PARD3B: variants seen among roughly 807,000 people sequenced by gnomAD.
PARD3B encodes partitioning defective 3 homolog B.
Under a neutral mutation model 130.2 loss-of-function variants are expected in PARD3B, and 103 were observed. The ratio of observed to expected loss-of-function variants is 0.79; its 90% confidence interval spans 0.67 to 0.93. The LOEUF is 0.93. Ranked by LOEUF, PARD3B falls within the 40% of genes least tolerant of loss-of-function variation. The pLI, the probability that PARD3B is intolerant of heterozygous loss-of-function variation, is 0.00. For synonymous variants in PARD3B, 583 were observed against 553.2 expected (o/e 1.05, Z -0.76); for missense variants, 1,609 against 1,499.2 (o/e 1.07, Z -1.21).
In PARD3B at chr2:205,238,740, G is replaced by A. The variant is rs1352635602; in HGVS notation, c.2141-7038G>A. ...CCAGATACTTGGGAGGCTGAGGCAGGAGAATCACTTAAACCCAGGAGGCAG... is the reference window on the plus strand; with the variant it reads ...CCAGATACTTGGGAGGCTGAGGCAGAAGAATCACTTAAACCCAGGAGGCAG... On this transcript the variant is annotated intron_variant, in intron 15 of 22. Coordinates refer to ENST00000406610, the MANE Select transcript of PARD3B (RefSeq NM_001302769.2). Among the ~76,000 whole-genome samples the A allele has an allele frequency of 6.1e-5, 9 of 146,972 alleles. 1 individual carries two copies. Among genetic ancestry groups the A allele is most frequent in the East Asian group, 6.1e-4 (3 of 4,916 alleles).
rs559842330 is a variant in PARD3B, at chr2:204,938,223, T to G, written c.223-26929T>G. 6.6e-5 allele frequency among the ~76,000 whole-genome samples: 10 copies of G among 152,340 alleles called. No individual in the cohort carries two copies. In the East Asian group the frequency reaches 1.9e-3, roughly 29 times the overall value. Reference sequence around the variant, plus strand: ...GTAATGTATCAAGTGGCTTTCCACTTCAACTAAACTAAAATCCACAGTCCT... The same window carrying G: ...GTAATGTATCAAGTGGCTTTCCACTGCAACTAAACTAAAATCCACAGTCCT... On this transcript the variant is annotated intron_variant, in intron 2 of 22. Transcript: ENST00000406610.
intron 19 of PARD3B, among the ~76,000 whole-genome samples, chr2:205,430,819 C>T (rs765573731): frequency 2.0e-5 from 3 of 152,110 alleles, no homozygotes; most frequent in African/African-American, 4.8e-5. Context: ...CCAAATGTAA[C>T]GTACAAGCAT....
Position 205,405,893 on chromosome 2 carries a change from TA to T in PARD3B, c.2741+4772del, listed in dbSNP as rs1195011685. On this transcript the variant is annotated intron_variant, in intron 19 of 22. Transcript: ENST00000406610. The surrounding 1 kb of genome is among the most constrained non-coding windows in gnomAD (Gnocchi z 4.1). ...TTTGCCTGATGGTTTTAGTTGAGCATAAGTTTAGCATGAGTCAACATGTGGA... is the reference window on the plus strand; with the variant it reads ...TTTGCCTGATGGTTTTAGTTGAGCATAGTTTAGCATGAGTCAACATGTGGA... Among the ~76,000 whole-genome samples the T allele has an allele frequency of 6.6e-6, 1 of 152,240 alleles. No homozygotes were observed. Among genetic ancestry groups the T allele is most frequent in the African/African-American group, 2.4e-5 (1 of 41,474 alleles).
rs766468852 is a variant in PARD3B at position 205,352,351 on chromosome 2, G to A, written c.2631-48662G>A. ...TCAGATTTTTGTGGTTTCTCATGTC[G>A]TGGATTACAGGGACTCTTGTAAATG... On this transcript the variant is annotated intron_variant, in intron 18 of 22. Transcript: ENST00000406610. The surrounding 1 kb of genome is among the most constrained non-coding windows in gnomAD (Gnocchi z 5.2). Among the ~76,000 whole-genome samples the A allele has an allele frequency of 1.8e-4, 27 of 152,116 alleles. No homozygotes were observed. The highest frequency in any genetic ancestry group is 3.9e-4 in the East Asian group (2 of 5,194).
At chr2:205,191,049 T>C (rs1213373840) in intron 14 of PARD3B, among the ~76,000 whole-genome samples, 1 of 140,506 alleles carries the variant, frequency 7.1e-6, no homozygotes, top group Non-Finnish European at 1.5e-5. Flanking sequence ...GTATTGAGAA[T>C]GTACCCAGAC....
chr2:204,940,268 G>A (rs985130098), intron 2 of PARD3B, among the ~76,000 whole-genome samples: 1 of 152,162 alleles, frequency 6.6e-6, no homozygotes, highest in African/African-American at 2.4e-5. Flanking sequence ...GTTATTTCAT[G>A]TTCATCTAAA....
At chr2:205,549,261 C>T (rs556691506) in intron 21 of PARD3B, among the ~76,000 whole-genome samples, 1 of 152,262 alleles carries the variant, frequency 6.6e-6, no homozygotes, top group African/African-American at 2.4e-5. Context: ...ATAGTCTCAC[C>T]ATATGATCCA....
intron 1 of PARD3B, among the ~76,000 whole-genome samples, chr2:204,662,454 T>C (rs969017595): frequency 1.3e-5 from 2 of 152,202 alleles, no homozygotes; most frequent in Non-Finnish European, 2.9e-5. Flanking sequence ...AACCATCATC[T>C]GCCTTTCAGT....
rs570974038 is a variant in PARD3B at position 205,119,394 on chromosome 2, A to G, written c.806+348A>G. The stretch of plus-strand genomic sequence containing the variant: ...GACTGTTGGTTCAGCTTATTAATTA[A>G]CTTTCTTGGTGTCAGCAGTCTTCCT... On this transcript the variant is annotated intron_variant, in intron 7 of 22. Coordinates refer to ENST00000406610, the MANE Select transcript of PARD3B (RefSeq NM_001302769.2). Among the ~76,000 whole-genome samples the G allele has an allele frequency of 9.4e-4, 143 of 151,430 alleles. No individual in the cohort carries two copies. The South Asian group carries it at 0.03, about 31-fold the overall frequency.
intron 2 of PARD3B, among the ~76,000 whole-genome samples, chr2:204,798,390 G>A (rs1257147143): frequency 6.6e-6 from 1 of 152,200 alleles, no homozygotes; most frequent in Non-Finnish European, 1.5e-5. Context: ...CATCCCCTGA[G>A]CTTCTGCCAG....
At chr2:205,036,881 C>T (rs950987173) in intron 3 of PARD3B, among the ~76,000 whole-genome samples, 1 of 149,246 alleles carries the variant, frequency 6.7e-6, no homozygotes, top group Non-Finnish European at 1.5e-5. Flanking sequence ...ACATATGTAG[C>T]GGACTGTATA....
chr2:205,376,958 A>C (rs1041530309), intron 18 of PARD3B, among the ~76,000 whole-genome samples: 3 of 152,158 alleles, frequency 2.0e-5, no homozygotes, highest in African/African-American at 7.2e-5. Flanking sequence ...TAAGTAGTAA[A>C]ATGGAGGCAG....
In PARD3B at chr2:205,251,805, C is replaced by T. The variant is rs911591715; in HGVS notation, c.2185+5983C>T. ...TACTTGAACTCTTTTCTTTCCTCAT[C>T]GACTCATTAAGATATGACAGCATGG... On this transcript the variant is annotated intron_variant, in intron 16 of 22. Coordinates refer to ENST00000406610, the MANE Select transcript of PARD3B (RefSeq NM_001302769.2). Among the ~76,000 whole-genome samples, 7 of 152,076 alleles carry T rather than the reference C, an allele frequency of 4.6e-5. No individual in the cohort carries two copies. In the East Asian group the frequency reaches 7.7e-4, roughly 17 times the overall value.
At chr2:205,162,926 C>A (rs951954606) in intron 11 of PARD3B, among the ~76,000 whole-genome samples, 2 of 152,102 alleles carry the variant, frequency 1.3e-5, no homozygotes, top group East Asian at 3.9e-4. Context: ...CTTTGCTTTG[C>A]TTTTCATGTA....
rs12694007 is a variant in PARD3B at position 204,648,977 on chromosome 2, G to T, written c.121-37204G>T. 9.6e-3 allele frequency among the ~76,000 whole-genome samples: 120 copies of T among 12,464 alleles called. 1 individual carries two copies. Among genetic ancestry groups the T allele is most frequent in the Middle Eastern group, 0.062 (1 of 16 alleles). The allele number at this position is 12,464 out of a possible 152,430, so 8.2% of individuals were successfully genotyped here. ...ATATAAATAATATATATTTATAATA[G>T]ATATCATATAAATAATATATATTTA... On this transcript the variant is annotated intron_variant, in intron 1 of 22. Coordinates refer to ENST00000406610, the MANE Select transcript of PARD3B (RefSeq NM_001302769.2).
intron 18 of PARD3B, among the ~76,000 whole-genome samples, chr2:205,378,519 G>A (rs1198442258): frequency 6.6e-6 from 1 of 152,166 alleles, no homozygotes; most frequent in Non-Finnish European, 1.5e-5. Flanking sequence ...CATGAGAGCT[G>A]CGTACTGAGG....
chr2:204,556,130 T>C (rs1438430596), intron 1 of PARD3B, among the ~76,000 whole-genome samples: 1 of 152,200 alleles, frequency 6.6e-6, no homozygotes, highest in Non-Finnish European at 1.5e-5. Flanking sequence ...AATAATTATT[T>C]TACCATGCAT....
chr2:204,982,712 G>A (rs1308649231), intron 3 of PARD3B, among the ~76,000 whole-genome samples: 3 of 152,128 alleles, frequency 2.0e-5, no homozygotes, highest in Non-Finnish European at 2.9e-5. Context: ...TTTGAAATGA[G>A]TAAGGAACTG....
At chr2:204,585,480 G>T (rs1304108850) in intron 1 of PARD3B, among the ~76,000 whole-genome samples, 2 of 151,334 alleles carry the variant, frequency 1.3e-5, no homozygotes, top group Non-Finnish European at 2.9e-5. Context: ...ACTACAGGTG[G>T]ATGCCACCAT....
Sources: gnomAD v4.1 joint callset for allele counts (sites outside exome capture counted in the v4.1 genomes callset) on GRCh38, gnomAD v4.1.1 for gene constraint, Gnocchi (gnomAD v3.1) non-coding constraint, MANE v1.5 for transcripts, NCBI Gene and HGNC (gene_info 2026-07-23, HGNC 2026-07-21) for gene names.